Variants in HDAC4 observed in about 807,000 individuals in gnomAD.
HDAC4 encodes histone deacetylase 4.
In HDAC4, 16 loss-of-function variants were observed where a neutral mutation model predicts 135.1. The observed-to-expected ratio is 0.12, with a 90% CI of 0.08 to 0.18. HDAC4 has a LOEUF of 0.18. Among genes scored for constraint, HDAC4 ranks in the 10% least tolerant of loss-of-function variants. The pLI is 1.00. For missense variants in HDAC4, 1,143 were observed against 1,511.8 expected (o/e 0.76, Z 4.05); for synonymous variants, 685 against 653.4 (o/e 1.05, Z -0.74).
At chr2:239,266,646 G>A (rs2049748960) in intron 2 of HDAC4, among the ~76,000 whole-genome samples, 1 of 152,150 alleles carries the variant, frequency 6.6e-6, no homozygotes, top group South Asian at 2.1e-4. Flanking sequence ...GGCAAGCGCT[G>A]CAGCTCACAG....
intron 22 of HDAC4, among the ~76,000 whole-genome samples, chr2:239,080,513 C>T (rs968079103): frequency 1.3e-5 from 2 of 152,180 alleles, no homozygotes; most frequent in East Asian, 3.9e-4. Context: ...CATTTTGGGT[C>T]ACAGGAATGA....
intron 2 of HDAC4, among the ~76,000 whole-genome samples, chr2:239,300,066 C>T (rs536193802): frequency 5.3e-5 from 8 of 152,254 alleles, no homozygotes; most frequent in East Asian, 1.9e-4. Context: ...TCCTCTAGGG[C>T]GTCCCTCTCT....
intron 1 of HDAC4, among the ~76,000 whole-genome samples, chr2:239,364,564 C>CA (rs1553613108): frequency 6.6e-6 from 1 of 152,084 alleles, no homozygotes; most frequent in Non-Finnish European, 1.5e-5. Flanking sequence ...GGAGCGGTGG[C>CA]GGGGGGAACA....
rs138578374 is a variant in HDAC4 at position 239,310,397 on chromosome 2, C to T, written c.22+42281G>A. Among the ~76,000 whole-genome samples the T allele has an allele frequency of 9.7e-3, 1,478 of 152,298 alleles. 12 individuals carry two copies. The highest frequency in any genetic ancestry group is 0.013 in the Non-Finnish European group (885 of 68,022). ...TAGCAGATTCTGGATTTTGCTCCCC[C>T]CCGAACCAAGTATAGAGAATGTTTC... On this transcript the variant is annotated intron_variant, in intron 2 of 26. Transcript: ENST00000543185.
chr2:239,275,474 C>T (rs77846268), intron 2 of HDAC4, among the ~76,000 whole-genome samples: 5 of 152,290 alleles, frequency 3.3e-5, no homozygotes, highest in East Asian at 1.9e-4. Context: ...TGTATGCACA[C>T]GGAGCTCTGC....
chr2:239,290,406 C>G (rs2051395168), intron 2 of HDAC4, among the ~76,000 whole-genome samples: 1 of 152,130 alleles, frequency 6.6e-6, no homozygotes. Flanking sequence ...CAATGAGTGG[C>G]CCATTTTATG....
At chr2:239,143,089 C>G (rs2041511774) in intron 8 of HDAC4, among the ~76,000 whole-genome samples, 2 of 152,224 alleles carry the variant, frequency 1.3e-5, no homozygotes, top group Non-Finnish European at 2.9e-5. Flanking sequence ...GCTGCTTGCT[C>G]AAATTACATC....
chr2:239,398,181 G>A (rs990277310), intron 1 of HDAC4, among the ~76,000 whole-genome samples: 7 of 152,208 alleles, frequency 4.6e-5, no homozygotes, highest in Non-Finnish European at 8.8e-5. Context: ...CGGCTCCTTC[G>A]CGCCCTACAT....
At chr2:239,286,744 AGGAAGGAGC>A (rs2051158293) in intron 2 of HDAC4, among the ~76,000 whole-genome samples, 1 of 152,176 alleles carries the variant, frequency 6.6e-6, no homozygotes, top group Non-Finnish European at 1.5e-5. Flanking sequence ...CAGACAGACA[AGGAAGGAGC>A]GGCTGCTATG....
At chr2:239,114,362 C>T (rs897982491) in intron 13 of HDAC4, among the ~76,000 whole-genome samples, 9 of 152,176 alleles carry the variant, frequency 5.9e-5, no homozygotes, top group Admixed American at 1.3e-4. Flanking sequence ...TGTGGTTCCT[C>T]GGACTGGCTT....
intron 2 of HDAC4, among the ~76,000 whole-genome samples, chr2:239,273,433 C>A (rs2050162594): frequency 6.6e-6 from 1 of 152,212 alleles, no homozygotes; most frequent in Non-Finnish European, 1.5e-5. Flanking sequence ...TAAAGAAAGC[C>A]TTTCCTGTGT....
At chr2:239,369,903 C>T (rs920681473) in intron 1 of HDAC4, among the ~76,000 whole-genome samples, 10 of 152,208 alleles carry the variant, frequency 6.6e-5, no homozygotes, top group African/African-American at 2.2e-4. Flanking sequence ...CTGAAAGTGG[C>T]GTCATGCCCT....
At chr2:239,057,336 G>C (rs2032009894) in intron 24 of HDAC4, among the ~76,000 whole-genome samples, 1 of 152,162 alleles carries the variant, frequency 6.6e-6, no homozygotes, top group African/African-American at 2.4e-5. Flanking sequence ...TAAATATAGT[G>C]AGTATGTATT....
intron 2 of HDAC4, among the ~76,000 whole-genome samples, chr2:239,345,813 A>G (rs1266082556): frequency 6.9e-6 from 1 of 145,898 alleles, no homozygotes; most frequent in Non-Finnish European, 1.5e-5. Flanking sequence ...ACACATACAC[A>G]TCGTCTAAAA....
rs2035637399 is a variant in HDAC4, at chr2:239,084,214, C to T, written c.2473G>A (p.Val825Met). ...MGFCYFNSVAVAAKLLQQRLS... is the reference protein window; with the variant it reads ...MGFCYFNSVAMAAKLLQQRLS... The stretch of plus-strand genomic sequence containing the variant: ...CTCTGCTGCAGAAGCTTGGCTGCCA[C>T]GGCCACGGAGTTGAAGTAGCAAAAG... Residue 825 changes from valine (V) to methionine (M), a missense_variant, in exon 20 of 27, where the codon GTG (valine) becomes ATG (methionine). By Grantham distance (21) the Val-to-Met change is conservative. This residue lies in a region of HDAC4 where 189 missense variants were observed against 317.6 expected (regional missense o/e 0.60). Coordinates refer to ENST00000543185, the MANE Select transcript of HDAC4 (RefSeq NM_001378414.1). 1.2e-6 allele frequency: 2 copies of T among 1,613,130 alleles called. No individual in the cohort carries two copies. The highest frequency in any genetic ancestry group is 1.7e-6 in the Non-Finnish European group (2 of 1,179,422).
chr2:239,094,229 G>T, intron 17 of HDAC4: 1 of 985,426 alleles, frequency 1.0e-6, no homozygotes, highest in East Asian at 1.1e-4. Context: ...TCTCATGGCC[G>T]CCCTCGCTAT....
intron 3 of HDAC4, among the ~76,000 whole-genome samples, chr2:239,192,272 A>G (rs1434377349): frequency 7.6e-6 from 1 of 131,606 alleles, no homozygotes; most frequent in Non-Finnish European, 1.6e-5. Context: ...TTCCATGTGC[A>G]GGAGCAGAAA....
At chr2:239,243,381 T>C (rs184439756) in intron 2 of HDAC4, among the ~76,000 whole-genome samples, 4,643 of 152,272 alleles carry the variant, frequency 0.03, 244 homozygotes, top group African/African-American at 0.11. Flanking sequence ...CTCGATCTCC[T>C]GACCTTGTGA....
At chr2:239,099,157 T>G (rs2037386492) in intron 16 of HDAC4, among the ~76,000 whole-genome samples, 1 of 152,210 alleles carries the variant, frequency 6.6e-6, no homozygotes, top group African/African-American at 2.4e-5. Context: ...TAAGCCTGCC[T>G]TCATCCTTCT....
Sources: allele counts gnomAD v4.1 joint callset (sites outside exome capture counted in the v4.1 genomes callset), GRCh38; gene constraint gnomAD v4.1.1; regional missense constraint gnomAD v4.1.1; transcripts MANE v1.5; gene names NCBI Gene and HGNC (gene_info 2026-07-23, HGNC 2026-07-21).